SNUPN: variants seen among roughly 807,000 people sequenced by gnomAD.
The protein encoded by SNUPN is snurportin-1.
SNUPN carries 31 observed loss-of-function variants against 39.2 expected under a neutral mutation model. The observed-to-expected ratio is 0.79, with a 90% CI of 0.59 to 1.07. The LOEUF is 1.07. Among genes scored for constraint, SNUPN ranks in the 50% least tolerant of loss-of-function variants. The pLI is 0.00. For missense variants in SNUPN, 382 were observed against 434.2 expected, an observed-to-expected ratio of 0.88 and a Z score of 1.07; for synonymous variants, 132 against 159.0, an observed-to-expected ratio of 0.83 and a Z score of 1.28.
intron 3 of SNUPN, among the ~76,000 whole-genome samples, chr15:75,614,750 C>CA (rs1892882389): frequency 6.6e-6 from 1 of 152,022 alleles, no homozygotes; most frequent in African/African-American, 2.4e-5. Flanking sequence ...TAAAAATAGG[C>CA]AAATTGTATG....
At chr15:75,607,378 C>T in intron 5 of SNUPN, 65 bp from the exon 6 acceptor site, 1 of 1,039,408 alleles carries the variant, frequency 9.6e-7, no homozygotes, top group South Asian at 1.3e-5. Flanking sequence ...TCCACCACAA[C>T]CTAGGGAGCC....
At chr15:75,604,037 T>C (rs2075311999) in intron 7 of SNUPN, among the ~76,000 whole-genome samples, 1 of 152,086 alleles carries the variant, frequency 6.6e-6, no homozygotes, top group Non-Finnish European at 1.5e-5. Context: ...ACCAGTGTCT[T>C]AGAGAGAGCA....
intron 3 of SNUPN, 37 bp downstream of exon 3, chr15:75,617,371 G>A (rs1892964049): frequency 6.2e-7 from 1 of 1,601,472 alleles, no homozygotes; most frequent in Non-Finnish European, 8.5e-7. Flanking sequence ...TAAAGGGAGT[G>A]AGATTAGCTG....
Position 75,607,316 on chromosome 15 carries a change from G to C in SNUPN, c.503-3C>G. 1 of 1,598,732 alleles carries C rather than the reference G, an allele frequency of 6.3e-7. No homozygotes were observed. The highest frequency in any genetic ancestry group is 8.6e-7 in the Non-Finnish European group (1 of 1,166,142). On this transcript the variant is annotated splice_polypyrimidine_tract_variant and splice_region_variant and intron_variant, in intron 5 of 8. Coordinates refer to ENST00000308588, the MANE Select transcript of SNUPN (RefSeq NM_005701.4). ...AATGCAATCTAGAATGGTGTAGTCT[G>C]AGGACACAAAGCAGAAAGTCAGCAC...
chr15:75,622,296 T>C lies in SNUPN; in HGVS notation c.-5-1240A>G, dbSNP rs545827949. The C allele has an allele frequency of 2.8e-3, 2,671 of 967,190 alleles. 6 individuals are homozygous for C. Among genetic ancestry groups the C allele is most frequent in the Non-Finnish European group, 3.2e-3 (2,564 of 813,160 alleles). 59.9% of individuals were successfully genotyped at this position (967,190 alleles called of 1,614,324 possible). On this transcript the variant is annotated intron_variant, in intron 1 of 8. Coordinates refer to ENST00000308588, the MANE Select transcript of SNUPN (RefSeq NM_005701.4). ...TCATATTCTAGTTGTGTTTTGTTTTTGGGTGGGCAGAAAGAAGGTTTCAGG... is the reference window on the plus strand; with the variant it reads ...TCATATTCTAGTTGTGTTTTGTTTTCGGGTGGGCAGAAAGAAGGTTTCAGG...
intron 7 of SNUPN, among the ~76,000 whole-genome samples, chr15:75,601,834 C>T (rs1036132459): frequency 1.3e-5 from 2 of 152,160 alleles, no homozygotes; most frequent in South Asian, 4.1e-4. Flanking sequence ...ACTAATTCCC[C>T]TCTACTTACT....
In SNUPN at chr15:75,609,961, A is replaced by C. The variant is rs552957917; in HGVS notation, c.337T>G (p.Ser113Ala). The change falls in exon 4 of 9, where the codon TCA (serine) becomes GCA (alanine). Residue 113 changes from serine to alanine, a missense_variant. Coordinates refer to ENST00000308588, the MANE Select transcript of SNUPN (RefSeq NM_005701.4). ...ACAATCCATTCCTGCCCCAAATCTG[A>C]AGGAACGTCAATTAACCACTCAGAA... ...MLSEWLIDVP[S>A]DLGQEWIVVV... is the part of the protein sequence containing the mutation. The C allele has an allele frequency of 3.3e-5, 54 of 1,614,136 alleles. 1 individual carries two copies. In the South Asian group the frequency reaches 5.8e-4, roughly 17 times the overall value.
intron 3 of SNUPN, among the ~76,000 whole-genome samples, chr15:75,612,552 G>C (rs1277437653): frequency 6.6e-6 from 1 of 151,952 alleles, no homozygotes. Flanking sequence ...ATTAGGGGTG[G>C]ATCTCATCTA....
chr15:75,604,660 A>G (rs78342342), intron 7 of SNUPN, among the ~76,000 whole-genome samples: 26,181 of 152,164 alleles, frequency 0.17, 3,034 homozygotes, highest in Non-Finnish European at 0.25. Context: ...TTATTACCCT[A>G]TTTTTCAGAT....
At chr15:75,601,599 T>A (rs141787782) in intron 7 of SNUPN, among the ~76,000 whole-genome samples, 1 of 150,272 alleles carries the variant, frequency 6.7e-6, no homozygotes, top group Non-Finnish European at 1.5e-5. Flanking sequence ...GAAAAGAAAA[T>A]CTCTGTCAAA....
chr15:75,604,452 G>A (rs1159010030), intron 7 of SNUPN, among the ~76,000 whole-genome samples: 1 of 152,138 alleles, frequency 6.6e-6, no homozygotes, highest in African/African-American at 2.4e-5. Context: ...GTGAGCCACG[G>A]CGCCTGGCCC....
intron 2 of SNUPN, among the ~76,000 whole-genome samples, 154 bp downstream of exon 2, chr15:75,620,740 G>C (rs984003636): frequency 2.0e-5 from 3 of 152,120 alleles, no homozygotes; most frequent in Admixed American, 2.0e-4. Flanking sequence ...ACCTACCTCT[G>C]CCAGGATTTA....
intron 3 of SNUPN, among the ~76,000 whole-genome samples, chr15:75,611,073 C>T (rs1305757451): frequency 6.6e-6 from 1 of 151,234 alleles, no homozygotes; most frequent in African/African-American, 2.4e-5. Flanking sequence ...GAGGCTGAGG[C>T]AGGAAAATCG....
intron 2 of SNUPN, among the ~76,000 whole-genome samples, chr15:75,620,226 T>C (rs1012756884): frequency 6.6e-6 from 1 of 152,170 alleles, no homozygotes; most frequent in Non-Finnish European, 1.5e-5. Flanking sequence ...AAATGCAGAC[T>C]GTATGGAAAC....
At chr15:75,618,325 A>C (rs1178416806) in intron 2 of SNUPN, among the ~76,000 whole-genome samples, 1 of 152,044 alleles carries the variant, frequency 6.6e-6, no homozygotes, top group Non-Finnish European at 1.5e-5. Context: ...TTTTAAAGAG[A>C]ACTTTTTTTT....
At chr15:75,605,026 C>A in intron 7 of SNUPN, 124 bp downstream of exon 7, 2 of 651,000 alleles carry the variant, frequency 3.1e-6, no homozygotes, top group South Asian at 1.9e-5. Context: ...ATGATTGATA[C>A]TCTTCCCTTT....
intron 2 of SNUPN, among the ~76,000 whole-genome samples, chr15:75,617,834 A>G (rs1892974760): frequency 6.6e-6 from 1 of 152,140 alleles, no homozygotes; most frequent in Admixed American, 6.6e-5. Context: ...TGCCTGCCTC[A>G]GCCTCCCAAA....
chr15:75,611,233 C>T (rs1455971304), intron 3 of SNUPN, among the ~76,000 whole-genome samples: 1 of 151,252 alleles, frequency 6.6e-6, no homozygotes, highest in Non-Finnish European at 1.5e-5. Flanking sequence ...TTCATTTCTC[C>T]TTCCCTTTAG....
At chr15:75,618,124 A>C (rs921311398) in intron 2 of SNUPN, among the ~76,000 whole-genome samples, 3 of 152,152 alleles carry the variant, frequency 2.0e-5, no homozygotes, top group Non-Finnish European at 4.4e-5. Flanking sequence ...AGAAATTTCC[A>C]AGGTTCACTA....
Sources: allele counts gnomAD v4.1 joint callset (sites outside exome capture counted in the v4.1 genomes callset), GRCh38; gene constraint gnomAD v4.1.1; transcripts MANE v1.5; gene names NCBI Gene and HGNC (gene_info 2026-07-23, HGNC 2026-07-21).